CSMD1: variants seen among roughly 807,000 people sequenced by gnomAD.
CSMD1 encodes the protein CUB and Sushi multiple domains 1, also known as CUB and sushi domain-containing protein 1.
Under a neutral mutation model 417.5 loss-of-function variants are expected in CSMD1, and 213 were observed. The observed-to-expected ratio is 0.51, with a 90% CI of 0.46 to 0.57. CSMD1 has a LOEUF of 0.57. Among genes scored for constraint, CSMD1 ranks in the 20% least tolerant of loss-of-function variants. The pLI is 0.00. For synonymous variants in CSMD1, 2,862 were observed against 1,736.8 expected, an observed-to-expected ratio of 1.65 and a Z score of -16.11; for missense variants, 6,923 against 4,529.7, an observed-to-expected ratio of 1.53 and a Z score of -15.17.
intron 1 of CSMD1, among the ~76,000 whole-genome samples, chr8:4,814,652 T>C (rs1230071247): frequency 6.6e-6 from 1 of 152,178 alleles, no homozygotes; most frequent in Admixed American, 6.5e-5. Context: ...TGTATACTAG[T>C]AGGAGACTTG....
At chr8:4,837,918 A>G (rs1301053451) in intron 1 of CSMD1, among the ~76,000 whole-genome samples, 1 of 152,094 alleles carries the variant, frequency 6.6e-6, no homozygotes, top group African/African-American at 2.4e-5. Context: ...AATAAAAATA[A>G]ACTAAAAGAC....
intron 12 of CSMD1, among the ~76,000 whole-genome samples, chr8:3,422,731 C>G (rs2116983125): frequency 6.6e-6 from 1 of 152,288 alleles, no homozygotes; most frequent in South Asian, 2.1e-4. Flanking sequence ...GCTGCGATAA[C>G]AGAAAAACAT....
chr8:3,991,597 C>T lies in CSMD1; in HGVS notation c.818+6306G>A, dbSNP rs142674152. Reference sequence around the variant, plus strand: ...GTAAGAGTAGCTAGTGATGACTCCACCACACAGTAACAGAGATGACTACAA... The same window carrying T: ...GTAAGAGTAGCTAGTGATGACTCCATCACACAGTAACAGAGATGACTACAA... On this transcript the variant is annotated intron_variant, in intron 5 of 69. Coordinates refer to ENST00000635120, the MANE Select transcript of CSMD1 (RefSeq NM_033225.6). Among the ~76,000 whole-genome samples the T allele has an allele frequency of 3.7e-3, 571 of 152,268 alleles. 3 individuals carry two copies. The highest frequency in any genetic ancestry group is 0.02 in the Middle Eastern group (6 of 294).
At chr8:4,786,103 CA>C (rs35255696) in intron 1 of CSMD1, among the ~76,000 whole-genome samples, 6 of 151,486 alleles carry the variant, frequency 4.0e-5, no homozygotes, top group Admixed American at 2.6e-4. Flanking sequence ...TGTGTAAGAC[CA>C]AAAAAAATAA....
At chr8:4,271,570 G>GA (rs893122188) in intron 3 of CSMD1, among the ~76,000 whole-genome samples, 108 of 143,160 alleles carry the variant, frequency 7.5e-4, no homozygotes, top group African/African-American at 9.8e-4. Context: ...TCAAAAGAGA[G>GA]AAAAAAAAAA....
chr8:4,441,095 GTT>G (rs36000734), intron 2 of CSMD1, among the ~76,000 whole-genome samples: 25 of 51,316 alleles, frequency 4.9e-4, no homozygotes, highest in South Asian at 2.1e-3. Flanking sequence ...TAATCAAAAG[GTT>G]TTTTTTTTTT....
At chr8:4,903,384 T>C (rs1805026669) in intron 1 of CSMD1, among the ~76,000 whole-genome samples, 1 of 152,192 alleles carries the variant, frequency 6.6e-6, no homozygotes, top group Non-Finnish European at 1.5e-5. Flanking sequence ...TCAGGAAGCT[T>C]CATGTCTTTA....
At chr8:4,961,304 T>A (rs577778452) in intron 1 of CSMD1, among the ~76,000 whole-genome samples, 7 of 152,286 alleles carry the variant, frequency 4.6e-5, no homozygotes, top group Middle Eastern at 3.4e-3. Context: ...TCCATCCCAT[T>A]ATTCCACCGA....
At chr8:4,078,670 A>T (rs1799958912) in intron 3 of CSMD1, among the ~76,000 whole-genome samples, 1 of 150,670 alleles carries the variant, frequency 6.6e-6, no homozygotes, top group Non-Finnish European at 1.5e-5. Context: ...TTGAGAAAAA[A>T]CTTGCTGTAT....
intron 27 of CSMD1, among the ~76,000 whole-genome samples, chr8:3,225,778 C>A (rs138169853): frequency 6.6e-6 from 1 of 152,294 alleles, no homozygotes; most frequent in East Asian, 1.9e-4. Flanking sequence ...AGGAGTGCTG[C>A]CTGGCCCTGT....
chr8:4,157,077 C>A (rs1219428150), intron 3 of CSMD1, among the ~76,000 whole-genome samples: 3 of 152,164 alleles, frequency 2.0e-5, no homozygotes, highest in Non-Finnish European at 4.4e-5. Context: ...GATGGACCCG[C>A]CATGGCCAGG....
intron 2 of CSMD1, among the ~76,000 whole-genome samples, chr8:4,519,837 G>C (rs535045146): frequency 1.4e-4 from 20 of 145,220 alleles, no homozygotes; most frequent in Middle Eastern, 3.8e-3. Context: ...GGCTGAGCTA[G>C]ATCTTATAGG....
At chr8:3,476,618 A>C (rs1817440886) in intron 11 of CSMD1, among the ~76,000 whole-genome samples, 1 of 152,124 alleles carries the variant, frequency 6.6e-6, no homozygotes. Flanking sequence ...CAAAATTACA[A>C]GGATAAATAA....
rs191045794 is a variant in CSMD1 at position 4,069,385 on chromosome 8, G to A, written c.416-37286C>T. Among the ~76,000 whole-genome samples the A allele has an allele frequency of 7.9e-5, 12 of 152,190 alleles. No individual in the cohort carries two copies. In the East Asian group the frequency reaches 9.7e-4, roughly 12 times the overall value. ...CTGGTGATTTTTACTTTATGCTTTC[G>A]TCTGTTTTCTGAGTTTTCCGAGTTT... On this transcript the variant is annotated intron_variant, in intron 3 of 69. Coordinates refer to ENST00000635120, the MANE Select transcript of CSMD1 (RefSeq NM_033225.6).
chr8:3,389,729 A>T (rs988638616), intron 17 of CSMD1, among the ~76,000 whole-genome samples: 1 of 152,200 alleles, frequency 6.6e-6, no homozygotes, highest in African/African-American at 2.4e-5. Flanking sequence ...ATTTACAGTG[A>T]AAAGAGACAA....
At chr8:4,339,955 T>C (rs560694321) in intron 3 of CSMD1, among the ~76,000 whole-genome samples, 4 of 152,022 alleles carry the variant, frequency 2.6e-5, no homozygotes, top group African/African-American at 7.2e-5. Context: ...AGTTCATAAG[T>C]TGGAGGTTCA....
At chr8:4,944,419 A>G (rs1015777180) in intron 1 of CSMD1, among the ~76,000 whole-genome samples, 1 of 152,188 alleles carries the variant, frequency 6.6e-6, no homozygotes, top group African/African-American at 2.4e-5. Context: ...TTCTCTTGAA[A>G]TACTTTTTGA....
intron 1 of CSMD1, among the ~76,000 whole-genome samples, chr8:4,810,666 T>C (rs926867491): frequency 6.6e-6 from 1 of 152,186 alleles, no homozygotes; most frequent in Non-Finnish European, 1.5e-5. Context: ...GAAAATTTCA[T>C]AGAAACTTTA....
chr8:4,934,770 A>G (rs1284618134), intron 1 of CSMD1, among the ~76,000 whole-genome samples: 3 of 152,274 alleles, frequency 2.0e-5, no homozygotes, highest in Admixed American at 2.0e-4. Flanking sequence ...CCTATACTAT[A>G]GGTATCATCT....
Sources: gnomAD v4.1 joint callset for allele counts (sites outside exome capture counted in the v4.1 genomes callset) on GRCh38, gnomAD v4.1.1 for gene constraint, MANE v1.5 for transcripts, NCBI Gene and HGNC (gene_info 2026-07-23, HGNC 2026-07-21) for gene names.